The following PCDH7 variants were observed in gnomAD, a reference collection of about 807,000 sequenced individuals.
The protein encoded by PCDH7 is protocadherin 7.
A neutral mutation model predicts 58.9 loss-of-function variants in PCDH7; 17 were observed. That is an observed-to-expected ratio of 0.29 (90% CI 0.20 to 0.43). The LOEUF (loss-of-function observed/expected upper bound fraction) is 0.43, where lower values mean the gene tolerates loss of function less well. Ranked by LOEUF, PCDH7 falls within the 20% of genes least tolerant of loss-of-function variation. The probability of loss-of-function intolerance (pLI) is 1.00; values close to 1 mark genes in which losing one functional copy is unlikely to be tolerated. For synonymous variants in PCDH7, 664 were observed against 616.4 expected, an observed-to-expected ratio of 1.08 and a Z score of -1.14; for missense variants, 1,274 against 1,441.0, an observed-to-expected ratio of 0.88 and a Z score of 1.88.
At chr4:30,828,376 T>C (rs563499805) in intron 1 of PCDH7, among the ~76,000 whole-genome samples, 1 of 152,166 alleles carries the variant, frequency 6.6e-6, no homozygotes, top group East Asian at 1.9e-4. Flanking sequence ...AAAGAAATTC[T>C]CAAGTGGAAT....
chr4:30,735,613 T>A (rs933839967), downstream of PCDH7, among the ~76,000 whole-genome samples: 2 of 152,130 alleles, frequency 1.3e-5, no homozygotes, highest in African/African-American at 4.8e-5. Flanking sequence ...AGATCAATAG[T>A]CCTTAAGAAA....
chr4:30,736,684 C>T (rs1442079544), downstream of PCDH7, among the ~76,000 whole-genome samples: 3 of 151,660 alleles, frequency 2.0e-5, no homozygotes, highest in East Asian at 3.9e-4. Context: ...TACAGGGGCC[C>T]GCCATTGCTC....
chr4:30,765,124 G>GTTT (rs1242502475), intron 1 of PCDH7, among the ~76,000 whole-genome samples: 1 of 36,028 alleles, frequency 2.8e-5, no homozygotes, highest in Admixed American at 3.7e-4. Context: ...GACTTCAGAT[G>GTTT]CTTTTTTTTT....
downstream of PCDH7, chr4:30,733,002 C>G (rs1480919589): frequency 6.6e-6 from 1 of 152,184 alleles, no homozygotes; most frequent in Non-Finnish European, 1.5e-5. Flanking sequence ...TGACCAGATA[C>G]AGATTCCCAG....
chr4:30,770,505 A>T (rs1412886769), intron 1 of PCDH7, among the ~76,000 whole-genome samples: 1 of 152,242 alleles, frequency 6.6e-6, no homozygotes, highest in Non-Finnish European at 1.5e-5. Context: ...TATGAAACTC[A>T]GGTGGGAATT....
At chr4:30,751,820 A>G (rs1718563723) in intron 1 of PCDH7, among the ~76,000 whole-genome samples, 1 of 152,118 alleles carries the variant, frequency 6.6e-6, no homozygotes, top group Non-Finnish European at 1.5e-5. Context: ...TTCCAGTAAT[A>G]TTTACTTGTA....
At chr4:30,865,154 G>A (rs984770859) in intron 1 of PCDH7, among the ~76,000 whole-genome samples, 3 of 151,974 alleles carry the variant, frequency 2.0e-5, no homozygotes, top group African/African-American at 7.2e-5. Context: ...ATTTTGAAGA[G>A]GAAGGAAGTC....
intron 3 of PCDH7, among the ~76,000 whole-genome samples, chr4:31,098,963 C>T (rs1188641661): frequency 1.3e-5 from 2 of 152,110 alleles, no homozygotes; most frequent in African/African-American, 2.4e-5. Flanking sequence ...ATTCTGTGCA[C>T]ACTCCTCTCT....
chr4:31,104,495 T>G (rs1715306025), intron 3 of PCDH7, among the ~76,000 whole-genome samples: 1 of 152,228 alleles, frequency 6.6e-6, no homozygotes, highest in Non-Finnish European at 1.5e-5. Context: ...TTAGTGCTTC[T>G]TGCCAGAATG....
chr4:30,795,784 T>TTTAGAA (rs1480961637), intron 1 of PCDH7, among the ~76,000 whole-genome samples: 2 of 152,232 alleles, frequency 1.3e-5, no homozygotes, highest in African/African-American at 4.8e-5. Context: ...TTTTGAATTG[T>TTTAGAA]TTAGAATATA....
intron 1 of PCDH7, among the ~76,000 whole-genome samples, chr4:30,897,119 T>G (rs1416480373): frequency 6.6e-6 from 1 of 151,960 alleles, no homozygotes; most frequent in Non-Finnish European, 1.5e-5. Flanking sequence ...TTAGCCAGGT[T>G]GTTCTTGATC....
chr4:31,129,700 T>C (rs999524994), intron 3 of PCDH7, among the ~76,000 whole-genome samples: 1 of 152,114 alleles, frequency 6.6e-6, no homozygotes, highest in African/African-American at 2.4e-5. Flanking sequence ...TGGTGCAATC[T>C]CGGCTCACTG....
intron 1 of PCDH7, among the ~76,000 whole-genome samples, chr4:30,906,103 G>T (rs1219532271): frequency 6.6e-6 from 1 of 152,134 alleles, no homozygotes; most frequent in African/African-American, 2.4e-5. Flanking sequence ...TGATTAGTAT[G>T]CATATTTTGT....
intron 3 of PCDH7, among the ~76,000 whole-genome samples, chr4:31,002,630 G>T (rs1752443498): frequency 6.6e-6 from 1 of 152,112 alleles, no homozygotes; most frequent in Admixed American, 6.5e-5. Flanking sequence ...CAGTAAAGTA[G>T]AATATTTCTT....
exon 1 of PCDH7, chr4:30,724,532 T>C: frequency 6.2e-7 from 1 of 1,614,144 alleles, no homozygotes; most frequent in Non-Finnish European, 8.5e-7. Flanking sequence ...GGAGACAACA[T>C]TTCAATTGGA....
intron 1 of PCDH7, among the ~76,000 whole-genome samples, chr4:30,848,129 G>A (rs1732230051): frequency 6.6e-6 from 1 of 152,140 alleles, no homozygotes; most frequent in Admixed American, 6.6e-5. Context: ...AGTTTATGCA[G>A]TTGTGCAATC....
At chr4:30,772,113 G>A (rs1241776739) in intron 1 of PCDH7, among the ~76,000 whole-genome samples, 2 of 152,026 alleles carry the variant, frequency 1.3e-5, no homozygotes, top group Admixed American at 1.3e-4. Context: ...CAGGTGATCC[G>A]CCCGCCTAAG....
intron 1 of PCDH7, among the ~76,000 whole-genome samples, chr4:30,892,728 A>T (rs928677544): frequency 1.1e-4 from 17 of 152,062 alleles, no homozygotes; most frequent in African/African-American, 4.1e-4. Flanking sequence ...GTTAATATGA[A>T]TTGTCTTATT....
exon 2 of PCDH7, chr4:30,730,762 C>T (rs1334220199): frequency 6.2e-7 from 1 of 1,603,992 alleles, no homozygotes; most frequent in Non-Finnish European, 8.5e-7. Context: ...GATGCGTCTA[C>T]ATCCATACAT....
Sources: allele counts gnomAD v4.1 joint callset (sites outside exome capture counted in the v4.1 genomes callset), GRCh38; gene constraint gnomAD v4.1.1; transcripts MANE v1.5; gene names NCBI Gene and HGNC (gene_info 2026-07-23, HGNC 2026-07-21).